The following PRNP variants were observed in gnomAD, a reference collection of about 807,000 sequenced individuals.
The protein encoded by PRNP is major prion protein.
Under a neutral mutation model 21.3 loss-of-function variants are expected in PRNP, and 15 were observed. The ratio of observed to expected loss-of-function variants is 0.71; its 90% CI spans 0.47 to 1.09. PRNP has a LOEUF of 1.09. Among genes scored for constraint, PRNP ranks in the 50% least tolerant of loss-of-function variants. The pLI, the probability that PRNP is intolerant of heterozygous loss-of-function variation, is 0.00. For missense variants in PRNP, 285 were observed against 340.9 expected, an observed-to-expected ratio of 0.84 and a Z score of 1.29; for synonymous variants, 121 against 123.1, an observed-to-expected ratio of 0.98 and a Z score of 0.11.
rs188937011 is a variant in PRNP at position 4,699,110 on chromosome 20, A to G, written c.-10-101A>G. On this transcript the variant is annotated intron_variant, in intron 1 of 1. Transcript: ENST00000379440. This position sits in a 1 kb window ranked among gnomAD's most constrained non-coding sequence, Gnocchi z 5.8. ...CAGGGTGGCAACAGTGTTTCTACTGAGCAGCTGATACCATTGCTATGCACT... is the reference window on the plus strand; with the variant it reads ...CAGGGTGGCAACAGTGTTTCTACTGGGCAGCTGATACCATTGCTATGCACT... 7.1e-6 allele frequency: 10 copies of G among 1,406,826 alleles called. No homozygotes were observed. The African/African-American group carries it at 1.3e-4, about 18-fold the overall frequency. 87.1% of individuals were successfully genotyped at this position (1,406,826 alleles called of 1,614,324 possible).
chr20:4,695,104 C>T (rs547142065), intron 1 of PRNP, among the ~76,000 whole-genome samples: 1 of 152,002 alleles, frequency 6.6e-6, no homozygotes. Flanking sequence ...CCAGAGTCAG[C>T]TTTATCGTGC....
At chr20:4,690,522 G>T (rs1010314403) in intron 1 of PRNP, among the ~76,000 whole-genome samples, 2 of 152,148 alleles carry the variant, frequency 1.3e-5, no homozygotes, top group Non-Finnish European at 2.9e-5. Flanking sequence ...ATGCACCAAT[G>T]CCATGTGATC....
In PRNP at chr20:4,686,487, T is replaced by C. The variant is rs1921432554; in HGVS notation, c.-36T>C. ...CGCTGACAGCCGCGGCGCCGCGAGC[T>C]TCTCCTCTCCTCACGACCGAGGCAG... is the stretch of plus-strand genomic sequence containing the variant. On this transcript the variant is annotated 5_prime_UTR_variant, in exon 1 of 2. Transcript: ENST00000379440. The surrounding 1 kb of genome is among the most constrained non-coding windows in gnomAD (Gnocchi z 6.7). 1 of 151,770 alleles carries C rather than the reference T, an allele frequency of 6.6e-6. No homozygotes were observed. Among genetic ancestry groups the C allele is most frequent in the Non-Finnish European group, 1.5e-5 (1 of 67,902 alleles). 9.4% of individuals were successfully genotyped at this position (151,770 alleles called of 1,614,324 possible). A position where few individuals can be genotyped will look rare whatever the true frequency, so the allele number is the denominator to read the frequency against.
intron 1 of PRNP, among the ~76,000 whole-genome samples, chr20:4,687,472 CCA>C (rs1434360341): frequency 6.6e-6 from 1 of 152,252 alleles, no homozygotes; most frequent in Non-Finnish European, 1.5e-5. Context: ...ACCGGTCTCC[CCA>C]CCTGTGCGGC....
chr20:4,699,298 G>A lies in PRNP; in HGVS notation c.78G>A (p.Pro26=), dbSNP rs756969320. The A allele has an allele frequency of 2.0e-5, 33 of 1,614,006 alleles. No homozygotes were observed. The highest frequency in any genetic ancestry group is 4.5e-5 in the East Asian group (2 of 44,886). Residue 26 remains proline (P), a synonymous_variant, in exon 2 of 2, where the codon CCG becomes CCA. Coordinates refer to ENST00000379440, the MANE Select transcript of PRNP (RefSeq NM_000311.5). This position sits in a 1 kb window ranked among gnomAD's most constrained non-coding sequence, Gnocchi z 5.8. ...ACCTGGGCCTCTGCAAGAAGCGCCC[G>A]AAGCCTGGAGGATGGAACACTGGGG... ...WSDLGLCKKR[P]KPGGWNTGGS...
At chr20:4,687,388 G>T (rs1484505402) in intron 1 of PRNP, among the ~76,000 whole-genome samples, 1 of 152,316 alleles carries the variant, frequency 6.6e-6, no homozygotes, top group Non-Finnish European at 1.5e-5. Flanking sequence ...ATTCCTCCCA[G>T]TCCCCCTGGA....
At position 4,701,032 on chromosome 20, in the gene PRNP, G is replaced by T; in HGVS notation, c.*1050G>T. ...AAACCAGAATTAGGTCAAGTTCATA[G>T]TTTCTGTAATTGGCTTTTGAATCAA... On this transcript the variant is annotated 3_prime_UTR_variant, in exon 2 of 2. Transcript: ENST00000379440. The surrounding 1 kb of genome is among the most constrained non-coding windows in gnomAD (Gnocchi z 4.2). The T allele has an allele frequency of 6.0e-6, 1 of 166,820 alleles. No homozygotes were observed. The allele number at this position is 166,820 out of a possible 1,614,324, so 10.3% of individuals were successfully genotyped here. A position where few individuals can be genotyped will look rare whatever the true frequency, so the allele number is the denominator to read the frequency against.
At chr20:4,695,961 C>A (rs1175700509) in intron 1 of PRNP, among the ~76,000 whole-genome samples, 1 of 152,200 alleles carries the variant, frequency 6.6e-6, no homozygotes, top group Non-Finnish European at 1.5e-5. Context: ...TAAAGTGTAT[C>A]TACGTGGGTT....
At position 4,700,773 on chromosome 20, in the gene PRNP, C is replaced by T. The variant is rs1212195831; in HGVS notation, c.*791C>T. On this transcript the variant is annotated 3_prime_UTR_variant, in exon 2 of 2. Transcript: ENST00000379440. This position sits in a 1 kb window ranked among gnomAD's most constrained non-coding sequence, Gnocchi z 4.1. ...GATGTTTAAAGGACCCTATATGTGGCATTCCTTTCTTTAAACTATAGGTAA... is the reference window on the plus strand; with the variant it reads ...GATGTTTAAAGGACCCTATATGTGGTATTCCTTTCTTTAAACTATAGGTAA... The T allele has an allele frequency of 1.2e-5, 2 of 167,832 alleles. No homozygotes were observed. The highest frequency in any genetic ancestry group is 4.8e-5 in the African/African-American group (2 of 41,462). The allele number at this position is 167,832 out of a possible 1,614,324, so 10.4% of individuals were successfully genotyped here.
chr20:4,692,194 G>T lies in PRNP; in HGVS notation c.-11+5682G>T, dbSNP rs562685430. On this transcript the variant is annotated intron_variant, in intron 1 of 1. Transcript: ENST00000379440. ...CATTGTATGTCTTTCTCTTTTTCCA[G>T]TCTTCTTTTATGTCTCAGTAAAATT... Among the ~76,000 whole-genome samples the T allele has an allele frequency of 2.6e-5, 4 of 152,198 alleles. No homozygotes were observed. The South Asian group carries it at 8.3e-4, about 32-fold the overall frequency.
Position 4,700,246 on chromosome 20 carries a change from T to G in PRNP, c.*264T>G, listed in dbSNP as rs779940911. 13 of 1,125,476 alleles carry G rather than the reference T, an allele frequency of 1.2e-5. No homozygotes were observed. The highest frequency in any genetic ancestry group is 6.2e-5 in the Admixed American group (3 of 48,214). 69.7% of individuals were successfully genotyped at this position (1,125,476 alleles called of 1,614,324 possible). A position where few individuals can be genotyped will look rare whatever the true frequency, so the allele number is the denominator to read the frequency against. ...AGTATAACAGCAAATAACCATTGGT[T>G]AATCTGGACTTATTTTTGGACTTAG... is the stretch of plus-strand genomic sequence containing the variant. On this transcript the variant is annotated 3_prime_UTR_variant, in exon 2 of 2. Transcript: ENST00000379440. This position sits in a 1 kb window ranked among gnomAD's most constrained non-coding sequence, Gnocchi z 4.1.
At chr20:4,687,235 C>T (rs1008934941) in intron 1 of PRNP, among the ~76,000 whole-genome samples, 1 of 151,418 alleles carries the variant, frequency 6.6e-6, no homozygotes, top group Non-Finnish European at 1.5e-5. Context: ...CGCGGACTGA[C>T]GGGCGGGGGC....
Position 4,699,442 on chromosome 20 carries a change from G to A in PRNP, c.222G>A (p.Gly74=), listed in dbSNP as rs766136217. 4.3e-6 allele frequency: 7 copies of A among 1,610,122 alleles called. No homozygotes were observed. The highest frequency in any genetic ancestry group is 5.9e-6 in the Non-Finnish European group (7 of 1,178,290). ...GWGQPHGGGW[G]QPHGGGWGQP... is the part of the protein sequence containing the mutation. Reference sequence around the variant, plus strand: ...GGCAGCCTCATGGTGGTGGCTGGGGGCAGCCCCATGGTGGTGGCTGGGGAC... The same window carrying A: ...GGCAGCCTCATGGTGGTGGCTGGGGACAGCCCCATGGTGGTGGCTGGGGAC... The change falls in exon 2 of 2, where the codon GGG becomes GGA. Residue 74 remains glycine, a synonymous_variant. Coordinates refer to ENST00000379440, the MANE Select transcript of PRNP (RefSeq NM_000311.5). This position sits in a 1 kb window ranked among gnomAD's most constrained non-coding sequence, Gnocchi z 5.8.
intron 1 of PRNP, among the ~76,000 whole-genome samples, chr20:4,692,155 T>C (rs1921869539): frequency 6.6e-6 from 1 of 152,218 alleles, no homozygotes; most frequent in Admixed American, 6.5e-5. Context: ...AATATTGGTT[T>C]CCCAAACAAA....
At chr20:4,689,340 A>G (rs2122199399) in intron 1 of PRNP, among the ~76,000 whole-genome samples, 1 of 152,344 alleles carries the variant, frequency 6.6e-6, no homozygotes, top group Admixed American at 6.5e-5. Flanking sequence ...CTCTTGATCC[A>G]GAGGCCACTC....
At chr20:4,687,528 T>C (rs969364228) in intron 1 of PRNP, among the ~76,000 whole-genome samples, 1 of 142,184 alleles carries the variant, frequency 7.0e-6, no homozygotes, top group African/African-American at 2.5e-5. Context: ...GAGAAATCCA[T>C]GTTTACTGTC....
chr20:4,699,775 G>A lies in PRNP; in HGVS notation c.555G>A (p.Lys185=). Residue 185 remains lysine, a synonymous_variant, in exon 2 of 2, where the codon AAG becomes AAA. Transcript: ENST00000379440. This position sits in a 1 kb window ranked among gnomAD's most constrained non-coding sequence, Gnocchi z 5.8. ...ACGACTGCGTCAATATCACAATCAA[G>A]CAGCACACGGTCACCACAACCACCA... The part of the protein sequence containing the change: ...FVHDCVNITI[K]QHTVTTTTKG... 6.2e-7 allele frequency: 1 copy of A among 1,613,980 alleles called. No individual in the cohort carries two copies. Among genetic ancestry groups the A allele is most frequent in the Non-Finnish European group, 8.5e-7 (1 of 1,180,016 alleles).
chr20:4,690,132 C>T (rs752121329), intron 1 of PRNP, among the ~76,000 whole-genome samples: 5 of 152,080 alleles, frequency 3.3e-5, no homozygotes, highest in African/African-American at 4.8e-5. Flanking sequence ...GAAACCCCTA[C>T]CCCCAATTTT....
chr20:4,699,537 A>C lies in PRNP; in HGVS notation c.317A>C (p.Lys106Thr), dbSNP rs1922422454. 14 of 1,613,832 alleles carry C rather than the reference A, an allele frequency of 8.7e-6. No homozygotes were observed. The highest frequency in any genetic ancestry group is 1.2e-5 in the Non-Finnish European group (14 of 1,179,924). ...HSQWNKPSKP[K>T]TNMKHMAGAA... ...CAGTGGAACAAGCCGAGTAAGCCAA[A>C]AACCAACATGAAGCACATGGCTGGT... The change falls in exon 2 of 2, where the codon AAA becomes ACA. Residue 106 changes from lysine to threonine, a missense_variant. Coordinates refer to ENST00000379440, the MANE Select transcript of PRNP (RefSeq NM_000311.5). The surrounding 1 kb of genome is among the most constrained non-coding windows in gnomAD (Gnocchi z 5.8).
Sources: allele counts gnomAD v4.1 joint callset (sites outside exome capture counted in the v4.1 genomes callset), GRCh38; gene constraint gnomAD v4.1.1; non-coding constraint Gnocchi (gnomAD v3.1); transcripts MANE v1.5; gene names NCBI Gene and HGNC (gene_info 2026-07-23, HGNC 2026-07-21).